The following LRP6 variants were observed in gnomAD, a reference collection of about 807,000 sequenced individuals.
The protein encoded by LRP6 is LDL receptor related protein 6.
Under a neutral mutation model 184.1 loss-of-function variants are expected in LRP6, and 43 were observed. The observed-to-expected ratio is 0.23, with a 90% CI of 0.18 to 0.30. The LOEUF (loss-of-function observed/expected upper bound fraction) is 0.30. Among genes scored for constraint, LRP6 ranks in the 10% least tolerant of loss-of-function variants. LRP6 has a pLI of 1.00. For missense variants in LRP6, 1,571 were observed against 2,005.3 expected, an observed-to-expected ratio of 0.78 and a Z score of 4.14; for synonymous variants, 719 against 684.9, an observed-to-expected ratio of 1.05 and a Z score of -0.78.
chr12:12,180,968 T>C (rs532414027), intron 6 of LRP6, 75 bp downstream of exon 6: 169 of 1,505,426 alleles, frequency 1.1e-4, no homozygotes, highest in Non-Finnish European at 1.4e-4. Context: ...TGTCATGTTA[T>C]CTTAGTCAAT....
chr12:12,255,420 A>AT (rs1352039963), intron 1 of LRP6, among the ~76,000 whole-genome samples: 1 of 93,302 alleles, frequency 1.1e-5, no homozygotes, highest in African/African-American at 2.8e-5. Flanking sequence ...TCTCCTTTCT[A>AT]TAAAAAAAAA....
chr12:12,266,941 G>T lies in LRP6; in HGVS notation c.-206C>A, dbSNP rs115571653. On this transcript the variant is annotated 5_prime_UTR_variant, in exon 1 of 23. Coordinates refer to ENST00000261349, the MANE Select transcript of LRP6 (RefSeq NM_002336.3). ...GCGCCGCTCGGCCCCGGGCTCGCGC[G>T]ACGCCAGCGTCTGCTTCCATCCCGC... 1.7e-5 allele frequency: 10 copies of T among 574,002 alleles called. No individual in the cohort carries two copies. The Admixed American group carries it at 2.7e-4, about 16-fold the overall frequency. The allele number at this position is 574,002 out of a possible 1,614,324, so 35.6% of individuals were successfully genotyped here.
At chr12:12,220,799 C>T (rs1864467573) in intron 2 of LRP6, among the ~76,000 whole-genome samples, 2 of 152,034 alleles carry the variant, frequency 1.3e-5, no homozygotes, top group South Asian at 4.1e-4. Context: ...AGGGTTTCAC[C>T]ACATTGCCCA....
intron 2 of LRP6, among the ~76,000 whole-genome samples, chr12:12,209,526 T>C (rs1417049626): frequency 6.6e-6 from 1 of 152,196 alleles, no homozygotes; most frequent in Non-Finnish European, 1.5e-5. Context: ...CATTTTTAAA[T>C]AGATTACAGA....
intron 22 of LRP6, among the ~76,000 whole-genome samples, chr12:12,122,380 T>C (rs1462115528): frequency 6.6e-6 from 1 of 152,100 alleles, no homozygotes; most frequent in Non-Finnish European, 1.5e-5. Flanking sequence ...CTCATCAAAG[T>C]GACTACAAGA....
At chr12:12,163,349 T>C (rs1295215405) in intron 9 of LRP6, among the ~76,000 whole-genome samples, 2 of 152,216 alleles carry the variant, frequency 1.3e-5, no homozygotes, top group Non-Finnish European at 2.9e-5. Context: ...TTTCATTTAT[T>C]CACTTAATAA....
intron 1 of LRP6, among the ~76,000 whole-genome samples, chr12:12,265,140 T>C (rs1472043552): frequency 6.6e-6 from 1 of 152,202 alleles, no homozygotes; most frequent in Non-Finnish European, 1.5e-5. Context: ...AATACATACA[T>C]ATTCTTATGT....
At chr12:12,129,789 A>T (rs989049967) in intron 19 of LRP6, among the ~76,000 whole-genome samples, 2 of 152,012 alleles carry the variant, frequency 1.3e-5, no homozygotes, top group Non-Finnish European at 2.9e-5. Flanking sequence ...TGACCTCGTG[A>T]TCTGCCCACA....
At chr12:12,162,820 T>C (rs1414360308) in intron 9 of LRP6, among the ~76,000 whole-genome samples, 2 of 152,222 alleles carry the variant, frequency 1.3e-5, no homozygotes, top group Admixed American at 6.5e-5. Flanking sequence ...TAAATGAATG[T>C]AACCATTATA....
chr12:12,164,953 A>AAAAAAAAAAAAAAAAAAAAC, intron 8 of LRP6, 126 bp downstream of exon 8: 1 of 524,856 alleles, frequency 1.9e-6, no homozygotes, highest in Non-Finnish European at 3.3e-6. Context: ...AAAAAAAAAA[A>AAAAAAAAAAAAAAAAAAAAC]AAGGCGGGGG....
chr12:12,249,984 T>C (rs1357933672), intron 1 of LRP6, among the ~76,000 whole-genome samples: 1 of 152,220 alleles, frequency 6.6e-6, no homozygotes, highest in African/African-American at 2.4e-5. Flanking sequence ...AATTACTGTC[T>C]TGTTGACTCT....
At chr12:12,205,779 G>A (rs79343365) in intron 2 of LRP6, among the ~76,000 whole-genome samples, 8,329 of 152,228 alleles carry the variant, frequency 0.055, 247 homozygotes, top group Middle Eastern at 0.16. Context: ...TGTATGTCAT[G>A]GGTCAGAGCC....
Position 12,138,363 on chromosome 12 carries a change from T to C in LRP6, c.3569A>G (p.Asp1190Gly), listed in dbSNP as rs773400071. 3 of 1,614,180 alleles carry C rather than the reference T, an allele frequency of 1.9e-6. No individual in the cohort carries two copies. In the Admixed American group the frequency reaches 5.0e-5, roughly 27 times the overall value. Residue 1190 changes from aspartate to glycine, a missense_variant, in exon 16 of 23, where the codon GAC (aspartate) becomes GGC (glycine). Around this residue, in one of 4 missense-constraint regions of LRP6, gnomAD observed 763 missense variants for 859.5 expected, o/e 0.89. Coordinates refer to ENST00000261349, the MANE Select transcript of LRP6 (RefSeq NM_002336.3). ...GTTCAGCTCCTTTACTGCATGAATG[T>C]CACTAAGCTGGGCAATTCGAGCTTG... ...KVQARIAQLS[D>G]IHAVKELNLQ...
intron 3 of LRP6, among the ~76,000 whole-genome samples, chr12:12,195,268 A>C (rs1332567028): frequency 2.0e-5 from 3 of 152,036 alleles, no homozygotes; most frequent in African/African-American, 4.8e-5. Context: ...TTTTTGAGGA[A>C]CTTCCATACT....
chr12:12,155,971 T>C lies in LRP6; in HGVS notation c.2791+2858A>G, dbSNP rs547008617. Among the ~76,000 whole-genome samples the C allele has an allele frequency of 2.6e-5, 4 of 152,230 alleles. No homozygotes were observed. In the East Asian group the frequency reaches 5.8e-4, roughly 22 times the overall value. ...AAGTGTTATTCTAAGGCACATAAGA[T>C]ATGTCAATGAAGAAAACAGAAAAAA... On this transcript the variant is annotated intron_variant, in intron 12 of 22. Coordinates refer to ENST00000261349, the MANE Select transcript of LRP6 (RefSeq NM_002336.3).
At chr12:12,251,516 A>C (rs1369470964) in intron 1 of LRP6, among the ~76,000 whole-genome samples, 1 of 151,724 alleles carries the variant, frequency 6.6e-6, no homozygotes, top group Non-Finnish European at 1.5e-5. Context: ...GGTGCCCGCC[A>C]CCACGCACGG....
At position 12,139,025 on chromosome 12, in the gene LRP6, C is replaced by CT. The variant is rs562414394; in HGVS notation, c.3398-492dup. On this transcript the variant is annotated intron_variant, in intron 15 of 22. Transcript: ENST00000261349. The stretch of plus-strand genomic sequence containing the variant: ...TCTCAGACATAGAGTCATCCAGACT[C>CT]TGAGGAGGCAACTTCTGCTATTGTT... 437 of 1,295,960 alleles carry CT rather than the reference C, an allele frequency of 3.4e-4. No individual in the cohort carries two copies. The African/African-American group carries it at 6.1e-3, about 18-fold the overall frequency. The allele number at this position is 1,295,960 out of a possible 1,614,324, so 80.3% of individuals were successfully genotyped here.
At chr12:12,222,760 A>G (rs10845496) in intron 2 of LRP6, among the ~76,000 whole-genome samples, 68,088 of 151,842 alleles carry the variant, frequency 0.45, 17,782 homozygotes, top group East Asian at 0.72. Flanking sequence ...CTACAGAATC[A>G]GAATCTGCAC....
chr12:12,185,648 G>T (rs544720271), intron 4 of LRP6, among the ~76,000 whole-genome samples: 59 of 152,182 alleles, frequency 3.9e-4, no homozygotes, highest in Middle Eastern at 3.4e-3. Flanking sequence ...CAAGTTCTCA[G>T]CAGTCATAGC....
Sources: allele counts gnomAD v4.1 joint callset (sites outside exome capture counted in the v4.1 genomes callset), GRCh38; gene constraint gnomAD v4.1.1; regional missense constraint gnomAD v4.1.1; transcripts MANE v1.5; gene names NCBI Gene and HGNC (gene_info 2026-07-23, HGNC 2026-07-21).